The following CTNNA2 variants were observed in gnomAD, a reference collection of about 807,000 sequenced individuals.
CTNNA2 encodes catenin alpha-2.
Under a neutral mutation model 101.0 loss-of-function variants are expected in CTNNA2, and 42 were observed. That is an observed-to-expected ratio of 0.42 (90% CI 0.32 to 0.54). CTNNA2 has a LOEUF of 0.54. Ranked by LOEUF, CTNNA2 falls within the 20% of genes least tolerant of loss-of-function variation. CTNNA2 has a pLI of 0.14. For missense variants in CTNNA2, 871 were observed against 1,223.1 expected, an observed-to-expected ratio of 0.71 and a Z score of 4.29; for synonymous variants, 450 against 456.4, an observed-to-expected ratio of 0.99 and a Z score of 0.18.
chr2:79,396,258 A>G (rs888587458), intron 4 of CTNNA2, among the ~76,000 whole-genome samples: 1 of 151,950 alleles, frequency 6.6e-6, no homozygotes, highest in Non-Finnish European at 1.5e-5. Flanking sequence ...CCCTGGGTTC[A>G]AGTGATTCTC....
intron 3 of CTNNA2, among the ~76,000 whole-genome samples, chr2:79,767,286 C>G (rs1483738559): frequency 6.6e-6 from 1 of 151,998 alleles, no homozygotes; most frequent in Non-Finnish European, 1.5e-5. Flanking sequence ...TTCCTCAACA[C>G]AGCTATTTTG....
intron 7 of CTNNA2, among the ~76,000 whole-genome samples, chr2:79,922,948 G>A (rs1686774499): frequency 6.6e-6 from 1 of 152,072 alleles, no homozygotes; most frequent in African/African-American, 2.4e-5. Context: ...GCCCTACATT[G>A]TGTAGTGCCC....
chr2:80,021,133 C>T (rs1158958102), intron 7 of CTNNA2, among the ~76,000 whole-genome samples: 2 of 151,684 alleles, frequency 1.3e-5, no homozygotes, highest in African/African-American at 4.9e-5. Context: ...GATCCTCCCA[C>T]CTCAGCCTCC....
At chr2:80,633,374 C>T (rs1408602870) in intron 18 of CTNNA2, among the ~76,000 whole-genome samples, 1 of 151,982 alleles carries the variant, frequency 6.6e-6, no homozygotes, top group Non-Finnish European at 1.5e-5. Context: ...GATGATGTTC[C>T]CTGCAATTTG....
intron 4 of CTNNA2, among the ~76,000 whole-genome samples, chr2:79,427,831 T>C (rs569825221): frequency 2.6e-5 from 4 of 152,204 alleles, no homozygotes; most frequent in East Asian, 3.9e-4. Context: ...TAGAATTCAT[T>C]GCTCTGTGTC....
At chr2:80,423,169 T>G (rs1680686613) in intron 9 of CTNNA2, among the ~76,000 whole-genome samples, 1 of 152,262 alleles carries the variant, frequency 6.6e-6, no homozygotes, top group South Asian at 2.1e-4. Flanking sequence ...GTATTCTATT[T>G]TATTTATCTC....
intron 7 of CTNNA2, among the ~76,000 whole-genome samples, chr2:80,292,537 T>G (rs532877286): frequency 3.9e-5 from 6 of 151,944 alleles, no homozygotes; most frequent in Non-Finnish European, 8.8e-5. Flanking sequence ...ATTTTGCAGG[T>G]TGCCAGGCAC....
chr2:79,310,858 A>T (rs13427217), intron 2 of CTNNA2, among the ~76,000 whole-genome samples: 40,324 of 152,038 alleles, frequency 0.27, 5,928 homozygotes, highest in African/African-American at 0.39. Context: ...TGAATAACAT[A>T]ATTGTTCTTC....
chr2:79,376,866 T>G (rs2104459611), intron 4 of CTNNA2, among the ~76,000 whole-genome samples: 1 of 152,358 alleles, frequency 6.6e-6, no homozygotes, highest in South Asian at 2.1e-4. Flanking sequence ...GTGCCACATT[T>G]TCTTGATCTA....
intron 7 of CTNNA2, among the ~76,000 whole-genome samples, chr2:80,069,687 A>T (rs1698203117): frequency 1.3e-5 from 2 of 152,248 alleles, no homozygotes; most frequent in South Asian, 4.1e-4. Context: ...AATTGAAGAG[A>T]TTTGCTTAAT....
intron 18 of CTNNA2, among the ~76,000 whole-genome samples, chr2:80,635,702 A>AG (rs1672800918): frequency 6.6e-6 from 1 of 152,162 alleles, no homozygotes; most frequent in Non-Finnish European, 1.5e-5. Context: ...GTTAGTTAGA[A>AG]GGCCCACACT....
At chr2:79,437,232 C>CA (rs70940035) in intron 4 of CTNNA2, among the ~76,000 whole-genome samples, 45,915 of 140,176 alleles carry the variant, frequency 0.33, 7,349 homozygotes, top group South Asian at 0.45. Context: ...GAAACTGTCT[C>CA]AAAAAAAAAA....
chr2:80,413,722 T>C (rs1679789828), intron 8 of CTNNA2, among the ~76,000 whole-genome samples: 2 of 152,326 alleles, frequency 1.3e-5, no homozygotes, highest in South Asian at 4.1e-4. Flanking sequence ...ATTTTACATT[T>C]TTAATAACAA....
intron 9 of CTNNA2, among the ~76,000 whole-genome samples, chr2:80,495,309 C>T (rs960301669): frequency 6.6e-6 from 1 of 152,138 alleles, no homozygotes; most frequent in Non-Finnish European, 1.5e-5. Flanking sequence ...CTCACTGTGC[C>T]TTGAGAATCT....
intron 7 of CTNNA2, among the ~76,000 whole-genome samples, chr2:80,128,201 C>T (rs917931185): frequency 3.9e-5 from 6 of 152,118 alleles, no homozygotes; most frequent in Non-Finnish European, 7.4e-5. Flanking sequence ...TTTGACAATG[C>T]AAAGGCCAGA....
intron 3 of CTNNA2, among the ~76,000 whole-genome samples, chr2:79,328,438 G>A (rs751928545): frequency 6.6e-6 from 1 of 152,178 alleles, no homozygotes; most frequent in Non-Finnish European, 1.5e-5. Flanking sequence ...CTGGCTCCTT[G>A]TCTGGCTAGA....
At chr2:79,861,933 A>G (rs1292304193) in intron 4 of CTNNA2, among the ~76,000 whole-genome samples, 2 of 152,236 alleles carry the variant, frequency 1.3e-5, no homozygotes, top group Admixed American at 1.3e-4. Context: ...AGATACCTGG[A>G]ATATCCTGCA....
chr2:79,473,692 T>A (rs1671024509), intron 4 of CTNNA2, among the ~76,000 whole-genome samples: 1 of 152,144 alleles, frequency 6.6e-6, no homozygotes, highest in South Asian at 2.1e-4. Context: ...AAAGTCTTTT[T>A]CAGACAAACA....
chr2:80,079,472 AAG>A (rs1284223990), intron 7 of CTNNA2, among the ~76,000 whole-genome samples: 1 of 152,154 alleles, frequency 6.6e-6, no homozygotes, highest in African/African-American at 2.4e-5. Context: ...ACCAAGAAGA[AAG>A]AGAGATAGCC....
Sources: gnomAD v4.1 joint callset for allele counts (sites outside exome capture counted in the v4.1 genomes callset) on GRCh38, gnomAD v4.1.1 for gene constraint, MANE v1.5 for transcripts, NCBI Gene and HGNC (gene_info 2026-07-23, HGNC 2026-07-21) for gene names.